DSTYK: variants seen among roughly 807,000 people sequenced by gnomAD.
The protein encoded by DSTYK is RIP-homologous kinase.
In DSTYK, 34 loss-of-function variants were observed where a neutral mutation model predicts 98.7. That is an observed-to-expected ratio of 0.34 (90% CI 0.26 to 0.46). DSTYK has a LOEUF of 0.46. Among genes scored for constraint, DSTYK ranks in the 20% least tolerant of loss-of-function variants. The pLI, the probability that DSTYK is intolerant of heterozygous loss-of-function variation, is 1.00. For missense variants in DSTYK, 962 were observed against 1,181.7 expected (o/e 0.81, Z 2.73); for synonymous variants, 462 against 457.3 (o/e 1.01, Z -0.13).
chr1:205,186,116 A>C (rs1430196044), intron 2 of DSTYK, among the ~76,000 whole-genome samples: 3 of 152,234 alleles, frequency 2.0e-5, no homozygotes, highest in African/African-American at 7.2e-5. Context: ...AAGACTGTAT[A>C]CTACAGAGAG....
intron 10 of DSTYK, among the ~76,000 whole-genome samples, chr1:205,155,067 C>T (rs569008185): frequency 6.6e-6 from 1 of 152,236 alleles, no homozygotes; most frequent in Admixed American, 6.5e-5. Context: ...TCACTGCAAC[C>T]TCTGCCTCCC....
At chr1:205,187,885 C>G in intron 1 of DSTYK, 79 bp from the exon 2 acceptor site, 1 of 1,326,800 alleles carries the variant, frequency 7.5e-7, no homozygotes, top group Non-Finnish European at 1.0e-6. Context: ...GAGAGACTCA[C>G]GCAGAAATCC....
chr1:205,174,469 T>C (rs955807141), intron 2 of DSTYK, among the ~76,000 whole-genome samples: 4 of 139,630 alleles, frequency 2.9e-5, no homozygotes, highest in South Asian at 2.3e-4. Context: ...GCTGAGATCA[T>C]GCCATTGTAC....
intron 1 of DSTYK, chr1:205,202,167 C>T (rs1163503371): frequency 9.1e-6 from 5 of 549,382 alleles, no homozygotes; most frequent in Admixed American, 1.9e-5. Context: ...TCTTCCCCTA[C>T]GTGGCCTGAG....
At position 205,147,559 on chromosome 1, in the gene DSTYK, C is replaced by T; in HGVS notation, c.2789G>A (p.Ter930=). Residue 930 remains the stop codon, a stop_retained_variant, in exon 13 of 13, where the codon TGA becomes TAA. Transcript: ENST00000367162. ...QPNRGLDDST[*] ...AGTGAAAGAGAAAGGTCTTTGCTTTCAAGTAGAATCATCTAGTCCTCTGTT... is the reference window on the plus strand; with the variant it reads ...AGTGAAAGAGAAAGGTCTTTGCTTTTAAGTAGAATCATCTAGTCCTCTGTT... 1 of 1,602,048 alleles carries T rather than the reference C, an allele frequency of 6.2e-7. No homozygotes were observed. The highest frequency in any genetic ancestry group is 8.5e-7 in the Non-Finnish European group (1 of 1,170,072).
chr1:205,161,267 A>C lies in DSTYK; in HGVS notation c.1939T>G (p.Leu647Val). ...AGAAAACCAGACTCACGATGAAGCAAGACATCCTGTAAAGAACAGCTTTCC... is the reference window on the plus strand; with the variant it reads ...AGAAAACCAGACTCACGATGAAGCACGACATCCTGTAAAGAACAGCTTTCC... ...SLESCSLQDV[L>V]LHRKPKLGQE... is the part of the protein sequence containing the mutation. The change falls in exon 7 of 13, where the codon TTG becomes GTG. Residue 647 changes from leucine (L) to valine (V), a missense_variant. Coordinates refer to ENST00000367162, the MANE Select transcript of DSTYK (RefSeq NM_015375.3). 1 of 1,614,100 alleles carries C rather than the reference A, an allele frequency of 6.2e-7. No homozygotes were observed. Among genetic ancestry groups the C allele is most frequent in the Non-Finnish European group, 8.5e-7 (1 of 1,179,960 alleles).
Position 205,143,866 on chromosome 1 carries a change from T to C in DSTYK, c.*3692A>G, listed in dbSNP as rs1290281107. On this transcript the variant is annotated 3_prime_UTR_variant, in exon 13 of 13. Coordinates refer to ENST00000367162, the MANE Select transcript of DSTYK (RefSeq NM_015375.3). ...AGTAATGCATTCTTTCCTCCACTGC[T>C]TCCTTGAATTTTAGTGTTAAAAATT... 6.6e-6 allele frequency: 1 copy of C among 152,630 alleles called. No individual in the cohort carries two copies. Among genetic ancestry groups the C allele is most frequent in the East Asian group, 1.9e-4 (1 of 5,194 alleles). 9.5% of individuals were successfully genotyped at this position (152,630 alleles called of 1,614,324 possible).
chr1:205,180,442 C>A (rs1212622770), intron 2 of DSTYK, among the ~76,000 whole-genome samples: 1 of 152,062 alleles, frequency 6.6e-6, no homozygotes, highest in African/African-American at 2.4e-5. Flanking sequence ...AGGACATGAA[C>A]TCATTCTTTT....
rs752722650 is a variant in DSTYK at position 205,147,739 on chromosome 1, C to T, written c.2609G>A (p.Arg870His). The change falls in exon 13 of 13, where the codon CGC (arginine) becomes CAC (histidine). Residue 870 changes from arginine to histidine, a missense_variant. Arg to His is a conservative substitution (Grantham distance 29). This residue lies in a region of DSTYK where 69 missense variants were observed against 142.9 expected (regional missense o/e 0.48). Transcript: ENST00000367162. ...HLWNNVRRGA[R>H]PERLPVFDEE... ...ATCAAACACAGGAAGACGTTCTGGG[C>T]GAGCCCCTAGAGAAAGGAGCATGGA... The T allele has an allele frequency of 6.8e-6, 11 of 1,612,906 alleles. No homozygotes were observed. The highest frequency in any genetic ancestry group is 1.1e-5 in the South Asian group (1 of 91,050).
At chr1:205,206,670 C>T (rs944534385) in intron 1 of DSTYK, among the ~76,000 whole-genome samples, 7 of 151,232 alleles carry the variant, frequency 4.6e-5, no homozygotes, top group Non-Finnish European at 8.8e-5. Context: ...GCAACCTCCG[C>T]CTCCCAGATT....
chr1:205,198,325 T>C (rs1658928276), intron 1 of DSTYK, among the ~76,000 whole-genome samples: 1 of 152,234 alleles, frequency 6.6e-6, no homozygotes, highest in Non-Finnish European at 1.5e-5. Context: ...ACTACTTTTA[T>C]CCTATACCAA....
chr1:205,189,064 T>C (rs992015373), intron 1 of DSTYK, among the ~76,000 whole-genome samples: 3 of 152,152 alleles, frequency 2.0e-5, no homozygotes, highest in African/African-American at 7.2e-5. Context: ...CCTATAAATA[T>C]GTACAATTAC....
At chr1:205,209,458 T>C (rs1171156604) in intron 1 of DSTYK, among the ~76,000 whole-genome samples, 1 of 151,770 alleles carries the variant, frequency 6.6e-6, no homozygotes, top group Non-Finnish European at 1.5e-5. Context: ...AGTATATTTC[T>C]GGACGTAAGA....
intron 10 of DSTYK, among the ~76,000 whole-genome samples, chr1:205,155,376 A>G (rs561833968): frequency 3.3e-5 from 5 of 151,846 alleles, no homozygotes; most frequent in African/African-American, 1.2e-4. Flanking sequence ...AGAAAAGAAA[A>G]CCTATTTTCT....
At chr1:205,191,607 G>C (rs973153068) in intron 1 of DSTYK, among the ~76,000 whole-genome samples, 48 of 152,196 alleles carry the variant, frequency 3.2e-4, no homozygotes, top group Non-Finnish European at 2.9e-4. Flanking sequence ...GGTTGGTGTG[G>C]TGGTTTTTAT....
intron 11 of DSTYK, 107 bp from the exon 12 acceptor site, chr1:205,148,446 A>C (rs1169126797): frequency 7.2e-7 from 1 of 1,390,852 alleles, no homozygotes; most frequent in East Asian, 2.3e-5. Flanking sequence ...GCTTTTAACA[A>C]CTATTATCTC....
At chr1:205,167,363 G>A (rs1558607952) in intron 3 of DSTYK, among the ~76,000 whole-genome samples, 1 of 152,166 alleles carries the variant, frequency 6.6e-6, no homozygotes, top group Non-Finnish European at 1.5e-5. Flanking sequence ...CTGCACTACT[G>A]CACTCCAGTC....
chr1:205,202,310 T>C (rs909641779), intron 1 of DSTYK: 5 of 677,184 alleles, frequency 7.4e-6, no homozygotes, highest in South Asian at 1.4e-5. Context: ...AGGGTATGCA[T>C]ATACGAAAAG....
At chr1:205,189,168 A>T (rs1406748005) in intron 1 of DSTYK, among the ~76,000 whole-genome samples, 3 of 152,232 alleles carry the variant, frequency 2.0e-5, no homozygotes, top group Non-Finnish European at 2.9e-5. Flanking sequence ...AAAACAAAAA[A>T]AACTTCTCCT....
Sources: gnomAD v4.1 joint callset for allele counts (sites outside exome capture counted in the v4.1 genomes callset) on GRCh38, gnomAD v4.1.1 for gene constraint, gnomAD v4.1.1 regional missense constraint, MANE v1.5 for transcripts, NCBI Gene and HGNC (gene_info 2026-07-23, HGNC 2026-07-21) for gene names.